The following MACROD2 variants were observed in gnomAD, a reference collection of about 807,000 sequenced individuals.
The protein encoded by MACROD2 is mono-ADP ribosylhydrolase 2.
Under a neutral mutation model 70.4 loss-of-function variants are expected in MACROD2, and 36 were observed. The ratio of observed to expected loss-of-function variants is 0.51; its 90% CI spans 0.39 to 0.68. The LOEUF is 0.68. Ranked by LOEUF, MACROD2 falls within the 30% of genes least tolerant of loss-of-function variation. The probability of loss-of-function intolerance (pLI) is 0.00; values close to 1 mark genes in which losing one functional copy is unlikely to be tolerated. For synonymous variants in MACROD2, 172 were observed against 178.8 expected (o/e 0.96, Z 0.30); for missense variants, 496 against 538.4 (o/e 0.92, Z 0.78).
At chr20:14,723,215 T>C (rs1367555606) in intron 5 of MACROD2, among the ~76,000 whole-genome samples, 2 of 152,186 alleles carry the variant, frequency 1.3e-5, no homozygotes, top group African/African-American at 4.8e-5. Flanking sequence ...TGGAATCAAG[T>C]CCCTGCTTTG....
intron 5 of MACROD2, among the ~76,000 whole-genome samples, chr20:15,104,201 A>T (rs1001269602): frequency 6.6e-6 from 1 of 152,144 alleles, no homozygotes; most frequent in Non-Finnish European, 1.5e-5. Context: ...GAACTGAAAG[A>T]CTAACCTAGA....
At chr20:15,048,541 T>C (rs1345288441) in intron 5 of MACROD2, among the ~76,000 whole-genome samples, 1 of 152,178 alleles carries the variant, frequency 6.6e-6, no homozygotes, top group Non-Finnish European at 1.5e-5. Context: ...TAATGATGTA[T>C]GTGAACGTGT....
intron 5 of MACROD2, among the ~76,000 whole-genome samples, chr20:15,184,927 G>T (rs990442267): frequency 6.6e-6 from 1 of 152,132 alleles, no homozygotes; most frequent in Admixed American, 6.5e-5. Context: ...CATATCTTTC[G>T]GGAGCTGTTG....
At chr20:14,059,813 T>G (rs1020823762) in intron 2 of MACROD2, among the ~76,000 whole-genome samples, 1 of 152,132 alleles carries the variant, frequency 6.6e-6, no homozygotes, top group Non-Finnish European at 1.5e-5. Context: ...ATGTGATAAG[T>G]GCTATAAAGA....
chr20:14,195,726 A>C (rs997228480), intron 3 of MACROD2, among the ~76,000 whole-genome samples: 1 of 152,182 alleles, frequency 6.6e-6, no homozygotes, highest in Non-Finnish European at 1.5e-5. Flanking sequence ...GAGCATGCGA[A>C]GTTTGGCTGG....
At chr20:15,986,645 A>G (rs1340098284) in intron 13 of MACROD2, 82 bp from the exon 14 acceptor site, 1 of 1,062,962 alleles carries the variant, frequency 9.4e-7, no homozygotes, top group Non-Finnish European at 1.4e-6. Flanking sequence ...GCATGATTAA[A>G]GCACGGTTTC....
chr20:15,790,752 T>C (rs1469862220), intron 8 of MACROD2, among the ~76,000 whole-genome samples: 1 of 151,932 alleles, frequency 6.6e-6, no homozygotes, highest in African/African-American at 2.4e-5. Flanking sequence ...TAGTTGCTGC[T>C]TATGTAATTG....
At chr20:15,777,363 T>A (rs908156907) in intron 8 of MACROD2, among the ~76,000 whole-genome samples, 4 of 152,082 alleles carry the variant, frequency 2.6e-5, no homozygotes, top group African/African-American at 7.2e-5. Flanking sequence ...GCCGGTTTGG[T>A]TAAGTAAAAT....
intron 15 of MACROD2, among the ~76,000 whole-genome samples, chr20:15,997,134 T>C (rs6110860): frequency 0.012 from 1,778 of 152,286 alleles, 32 homozygotes; most frequent in African/African-American, 0.04. Context: ...AATCAGTAAG[T>C]GTGATGTCTC....
chr20:14,327,356 A>G, intron 3 of MACROD2: 1 of 1,613,764 alleles, frequency 6.2e-7, no homozygotes, highest in African/African-American at 1.3e-5. Flanking sequence ...GTTGGAATGG[A>G]TGTCAGAAAG....
At chr20:14,706,238 C>T (rs1045944032) in intron 5 of MACROD2, among the ~76,000 whole-genome samples, 2 of 151,442 alleles carry the variant, frequency 1.3e-5, no homozygotes, top group Non-Finnish European at 2.9e-5. Flanking sequence ...CACCTGAACG[C>T]AGGAGGTGGA....
intron 4 of MACROD2, among the ~76,000 whole-genome samples, chr20:14,583,295 A>C (rs965029584): frequency 1.3e-5 from 2 of 152,156 alleles, no homozygotes; most frequent in African/African-American, 4.8e-5. Context: ...AATAATGAGG[A>C]TGTTAATGCC....
intron 5 of MACROD2, among the ~76,000 whole-genome samples, chr20:14,719,550 G>GAA (rs2071439936): frequency 6.6e-6 from 1 of 151,604 alleles, no homozygotes; most frequent in South Asian, 2.1e-4. Context: ...CAAACATGGG[G>GAA]GCCTGATTAC....
chr20:14,471,505 A>G (rs2084530477), intron 3 of MACROD2, among the ~76,000 whole-genome samples: 1 of 152,142 alleles, frequency 6.6e-6, no homozygotes, highest in African/African-American at 2.4e-5. Flanking sequence ...GAGGGTTCCT[A>G]GGGGCATTAT....
At chr20:14,229,233 T>G (rs564247531) in intron 3 of MACROD2, among the ~76,000 whole-genome samples, 1 of 152,234 alleles carries the variant, frequency 6.6e-6, no homozygotes, top group African/African-American at 2.4e-5. Flanking sequence ...TGAGACTTCA[T>G]TACATAAAAA....
intron 3 of MACROD2, among the ~76,000 whole-genome samples, chr20:14,148,747 A>G (rs1225701017): frequency 6.6e-6 from 1 of 152,164 alleles, no homozygotes; most frequent in Non-Finnish European, 1.5e-5. Flanking sequence ...TTTTTTACCC[A>G]GAGCCTTTAT....
intron 3 of MACROD2, among the ~76,000 whole-genome samples, chr20:14,293,084 C>A (rs1177644062): frequency 6.6e-6 from 1 of 151,602 alleles, no homozygotes; most frequent in Non-Finnish European, 1.5e-5. Context: ...ACATCATAAC[C>A]CAGTGACTTT....
At chr20:15,100,499 A>G (rs2075864152) in intron 5 of MACROD2, among the ~76,000 whole-genome samples, 1 of 152,210 alleles carries the variant, frequency 6.6e-6, no homozygotes, top group Non-Finnish European at 1.5e-5. Context: ...GTCCCTGTAC[A>G]GTTGAGCACC....
chr20:15,807,354 G>A (rs2041423), intron 8 of MACROD2, among the ~76,000 whole-genome samples: 11,766 of 152,164 alleles, frequency 0.077, 1,021 homozygotes, highest in East Asian at 0.31. Flanking sequence ...CATTATGTGG[G>A]CCATCAGGGA....
Sources: gnomAD v4.1 joint callset for allele counts (sites outside exome capture counted in the v4.1 genomes callset) on GRCh38, gnomAD v4.1.1 for gene constraint, MANE v1.5 for transcripts, NCBI Gene and HGNC (gene_info 2026-07-23, HGNC 2026-07-21) for gene names.